The following SIPA1L1 variants were observed in gnomAD, a reference collection of about 807,000 sequenced individuals.
SIPA1L1 encodes signal induced proliferation associated 1 like 1.
In SIPA1L1, 26 loss-of-function variants were observed where a neutral mutation model predicts 162.7. The ratio of observed to expected loss-of-function variants is 0.16; its 90% CI spans 0.12 to 0.22. The LOEUF is 0.22. SIPA1L1 is among the 10% of genes least tolerant of loss of function. SIPA1L1 has a pLI of 1.00. For missense variants in SIPA1L1, 1,874 were observed against 2,241.0 expected, an observed-to-expected ratio of 0.84 and a Z score of 3.31; for synonymous variants, 829 against 837.4, an observed-to-expected ratio of 0.99 and a Z score of 0.17.
chr14:71,432,527 G>GTTTT (rs2044069842), intron 2 of SIPA1L1, among the ~76,000 whole-genome samples: 1 of 152,162 alleles, frequency 6.6e-6, no homozygotes, highest in Admixed American at 6.5e-5. Context: ...GAAAGGTGGA[G>GTTTT]GGAAAGTTAT....
intron 2 of SIPA1L1, among the ~76,000 whole-genome samples, chr14:71,451,770 CAT>C (rs1271651549): frequency 8.6e-5 from 13 of 151,210 alleles, no homozygotes; most frequent in African/African-American, 2.7e-4. Context: ...TGTCAGGTAA[CAT>C]ATATGTTAAT....
At chr14:71,498,031 T>C (rs1273851263) in intron 2 of SIPA1L1, 3 of 152,250 alleles carry the variant, frequency 2.0e-5, no homozygotes, top group Non-Finnish European at 4.4e-5. Flanking sequence ...TTGGCCATTT[T>C]AATAGGTGTG....
chr14:71,684,503 G>A lies in SIPA1L1; in HGVS notation c.3105-859G>A, dbSNP rs186789253. On this transcript the variant is annotated intron_variant, in intron 12 of 23. Coordinates refer to ENST00000381232, the MANE Select transcript of SIPA1L1 (RefSeq NM_001386936.1). Reference sequence around the variant, plus strand: ...AGGACAGGAGGCATGTGGCTACACAGCACTTGTGATGTCGCTGGTCCAAAG... The same window carrying A: ...AGGACAGGAGGCATGTGGCTACACAACACTTGTGATGTCGCTGGTCCAAAG... 2.7e-3 allele frequency among the ~76,000 whole-genome samples: 406 copies of A among 152,402 alleles called. 4 individuals are homozygous for A. The highest frequency in any genetic ancestry group is 5.9e-3 in the Admixed American group (90 of 15,314).
At chr14:71,693,202 G>A (rs1566666072) in intron 13 of SIPA1L1, among the ~76,000 whole-genome samples, 1 of 152,050 alleles carries the variant, frequency 6.6e-6, no homozygotes, top group Admixed American at 6.6e-5. Context: ...TTATATTGGC[G>A]CTCAAAAAGT....
intron 2 of SIPA1L1, among the ~76,000 whole-genome samples, chr14:71,351,433 T>A (rs192769381): frequency 7.4e-4 from 113 of 152,298 alleles, no homozygotes; most frequent in African/African-American, 2.6e-3. Flanking sequence ...TATGTTTATG[T>A]GAAGGAAAAA....
At chr14:71,724,861 G>A (rs1195510975) in intron 19 of SIPA1L1, 26 bp downstream of exon 19, 1 of 1,601,568 alleles carries the variant, frequency 6.2e-7, no homozygotes. Flanking sequence ...CAGGGTAGAT[G>A]GCAATTAGAA....
chr14:71,327,801 C>T (rs1288949929), intron 2 of SIPA1L1, among the ~76,000 whole-genome samples: 1 of 152,188 alleles, frequency 6.6e-6, no homozygotes, highest in Non-Finnish European at 1.5e-5. Flanking sequence ...CTGAAGACCT[C>T]AGAAGCTTCT....
At chr14:71,544,143 A>G (rs901837893) in intron 4 of SIPA1L1, among the ~76,000 whole-genome samples, 2 of 150,992 alleles carry the variant, frequency 1.3e-5, no homozygotes, top group Admixed American at 1.3e-4. Context: ...GTATATACAT[A>G]TATGCACGTG....
At chr14:71,503,350 A>C (rs79544472) in intron 2 of SIPA1L1, among the ~76,000 whole-genome samples, 2,184 of 152,318 alleles carry the variant, frequency 0.014, 34 homozygotes, top group Middle Eastern at 0.031. Flanking sequence ...CTCTGAGTAA[A>C]CTGCTGTCCT....
intron 2 of SIPA1L1, among the ~76,000 whole-genome samples, chr14:71,383,524 A>G (rs138994156): frequency 6.6e-6 from 1 of 152,310 alleles, no homozygotes; most frequent in Non-Finnish European, 1.5e-5. Context: ...TTGCATTGCT[A>G]TAAATATCCA....
chr14:71,406,535 C>A (rs2042038630), intron 2 of SIPA1L1, among the ~76,000 whole-genome samples: 1 of 152,108 alleles, frequency 6.6e-6, no homozygotes, highest in Non-Finnish European at 1.5e-5. Context: ...AAATACAATT[C>A]TTGTGGTCCC....
chr14:71,582,527 T>C (rs2034076150), intron 4 of SIPA1L1, among the ~76,000 whole-genome samples: 1 of 152,030 alleles, frequency 6.6e-6, no homozygotes, highest in South Asian at 2.1e-4. Flanking sequence ...GCTACGAGGG[T>C]GAGTGGGAGG....
chr14:71,719,137 C>T (rs919174258), intron 17 of SIPA1L1, among the ~76,000 whole-genome samples: 4 of 151,922 alleles, frequency 2.6e-5, no homozygotes, highest in Admixed American at 1.3e-4. Flanking sequence ...ACAGGGTTCG[C>T]CATATTGCCC....
At chr14:71,394,247 G>A (rs1034852480) in intron 2 of SIPA1L1, among the ~76,000 whole-genome samples, 3 of 151,922 alleles carry the variant, frequency 2.0e-5, no homozygotes, top group South Asian at 2.1e-4. Flanking sequence ...ATCAAAATAG[G>A]GTGTGCCTCC....
intron 2 of SIPA1L1, among the ~76,000 whole-genome samples, chr14:71,452,049 CAT>C (rs1356925957): frequency 6.6e-6 from 1 of 152,066 alleles, no homozygotes; most frequent in Admixed American, 6.5e-5. Context: ...GCTTAACGTG[CAT>C]ATAGAAAAGC....
intron 5 of SIPA1L1, among the ~76,000 whole-genome samples, chr14:71,595,279 C>T (rs2035901785): frequency 6.6e-6 from 1 of 152,212 alleles, no homozygotes; most frequent in Admixed American, 6.5e-5. Flanking sequence ...AAGACATTTT[C>T]ATTGTGTCAT....
In SIPA1L1 at chr14:71,428,636, A is replaced by T. The variant is rs2043760976; in HGVS notation, c.-464-84107A>T. Among the ~76,000 whole-genome samples the T allele has an allele frequency of 2.6e-5, 4 of 152,294 alleles. No homozygotes were observed. The East Asian group carries it at 7.7e-4, about 29-fold the overall frequency. ...TGGGGAGAAGGGCTCTGGCCTGTTAAATGCCCTGAAGTCCCTTTGGTCAAA... is the reference window on the plus strand; with the variant it reads ...TGGGGAGAAGGGCTCTGGCCTGTTATATGCCCTGAAGTCCCTTTGGTCAAA... On this transcript the variant is annotated intron_variant, in intron 2 of 23. Transcript: ENST00000381232.
At chr14:71,331,235 C>T (rs532834029) in intron 2 of SIPA1L1, among the ~76,000 whole-genome samples, 215 of 152,234 alleles carry the variant, frequency 1.4e-3, no homozygotes, top group Non-Finnish European at 2.4e-3. Context: ...TCTGGGCTGT[C>T]TATTCTATTC....
At chr14:71,465,190 C>G (rs983101348) in intron 2 of SIPA1L1, among the ~76,000 whole-genome samples, 9 of 152,382 alleles carry the variant, frequency 5.9e-5, no homozygotes, top group African/African-American at 2.2e-4. Flanking sequence ...AGTGCCCTGA[C>G]TGTAATGGTA....
Sources: gnomAD v4.1 joint callset for allele counts (sites outside exome capture counted in the v4.1 genomes callset) on GRCh38, gnomAD v4.1.1 for gene constraint, MANE v1.5 for transcripts, NCBI Gene and HGNC (gene_info 2026-07-23, HGNC 2026-07-21) for gene names.